The following MAP4 variants were observed in gnomAD, a reference collection of about 807,000 sequenced individuals.
The protein encoded by MAP4 is microtubule-associated protein 4.
In MAP4, 76 loss-of-function variants were observed where a neutral mutation model predicts 170.2. The observed-to-expected ratio is 0.45, with a 90% CI of 0.37 to 0.54. The LOEUF (loss-of-function observed/expected upper bound fraction) is 0.54. MAP4 is among the 20% of genes least tolerant of loss of function. The pLI, the probability that MAP4 is intolerant of heterozygous loss-of-function variation, is 0.00. For missense variants in MAP4, 2,506 were observed against 2,748.0 expected, an observed-to-expected ratio of 0.91 and a Z score of 1.97; for synonymous variants, 909 against 994.5, an observed-to-expected ratio of 0.91 and a Z score of 1.62.
intron 3 of MAP4, among the ~76,000 whole-genome samples, chr3:47,950,723 A>G (rs527836055): frequency 1.1e-4 from 16 of 152,308 alleles, no homozygotes; most frequent in African/African-American, 3.9e-4. Context: ...TGAATATGTA[A>G]CCTTTAGTAA....
chr3:47,928,213 C>A lies in MAP4; in HGVS notation c.415+15G>T. ...ATAGCACACATTTAGTAGTCACGAGCAAGCCAACACTTACCAGTCTGGATA... is the reference window on the plus strand; with the variant it reads ...ATAGCACACATTTAGTAGTCACGAGAAAGCCAACACTTACCAGTCTGGATA... On this transcript the variant is annotated intron_variant, in intron 4 of 20. Transcript: ENST00000683076. 6.2e-7 allele frequency: 1 copy of A among 1,612,788 alleles called. No individual in the cohort carries two copies. The highest frequency in any genetic ancestry group is 1.1e-5 in the South Asian group (1 of 90,670).
chr3:47,875,473 T>G (rs2095034248), intron 12 of MAP4, among the ~76,000 whole-genome samples: 1 of 152,156 alleles, frequency 6.6e-6, no homozygotes, highest in African/African-American at 2.4e-5. Context: ...TCTTTTTTCT[T>G]TTTTTGGCTG....
chr3:47,906,889 G>A lies in MAP4; in HGVS notation c.5383+2149C>T, dbSNP rs564665890. ...TCCCTCTTGTGGCCCAGGCTGGGGT[G>A]CAGTGGCGCGATCTCGGCTCACTGC... On this transcript the variant is annotated intron_variant, in intron 9 of 20. Transcript: ENST00000683076. Among the ~76,000 whole-genome samples the A allele has an allele frequency of 3.3e-5, 5 of 149,976 alleles. No homozygotes were observed. The South Asian group carries it at 6.3e-4, about 19-fold the overall frequency.
chr3:47,941,706 G>C (rs1012450211), intron 3 of MAP4, among the ~76,000 whole-genome samples: 10 of 149,356 alleles, frequency 6.7e-5, no homozygotes, highest in African/African-American at 2.5e-4. Context: ...AGGACTGTTT[G>C]AACCCGGGAG....
upstream of MAP4, among the ~76,000 whole-genome samples, chr3:48,018,224 T>C (rs1487307588): frequency 6.6e-6 from 1 of 152,112 alleles, no homozygotes; most frequent in African/African-American, 2.4e-5. Flanking sequence ...TAGTTAGTTG[T>C]ATATACCAGC....
At chr3:47,979,134 C>T (rs564276897) in intron 2 of MAP4, among the ~76,000 whole-genome samples, 1 of 151,922 alleles carries the variant, frequency 6.6e-6, no homozygotes, top group South Asian at 2.1e-4. Context: ...TTGAGGCCTA[C>T]GGTACATTTT....
chr3:47,928,812 C>A (rs369857310), intron 3 of MAP4, among the ~76,000 whole-genome samples: 1 of 149,446 alleles, frequency 6.7e-6, no homozygotes, highest in Non-Finnish European at 1.5e-5. Context: ...GCAACAATTT[C>A]AGGGAGCTGG....
chr3:48,043,860 A>T (rs1337402399), intron 1 of MAP4, among the ~76,000 whole-genome samples: 2 of 148,854 alleles, frequency 1.3e-5, no homozygotes, highest in African/African-American at 2.4e-5. Flanking sequence ...TTTTTTTTTA[A>T]AATTGAGACG....
chr3:47,966,241 T>G (rs1578440358), intron 3 of MAP4, among the ~76,000 whole-genome samples: 1 of 47,950 alleles, frequency 2.1e-5, no homozygotes, highest in South Asian at 7.8e-4. Flanking sequence ...TTTTTTTTTT[T>G]TTTTTTTTTT....
At chr3:47,907,938 T>C (rs1424118017) in intron 9 of MAP4, among the ~76,000 whole-genome samples, 1 of 152,196 alleles carries the variant, frequency 6.6e-6, no homozygotes, top group Non-Finnish European at 1.5e-5. Flanking sequence ...AGTGGGTACA[T>C]ACTCATGCAT....
intron 10 of MAP4, among the ~76,000 whole-genome samples, chr3:47,882,686 G>A (rs1330427399): frequency 4.0e-5 from 6 of 151,422 alleles, no homozygotes; most frequent in East Asian, 2.0e-4. Context: ...TGATCCTGCC[G>A]TCTTCAGCCT....
rs1403096573 is a variant in MAP4 at position 47,905,310 on chromosome 3, A to C, written c.5384-2310T>G. ...AATAGGACAACTCTGAAAAAGAATA[A>C]TAGGGCAAGGGGTTGGGCTAGCCCT... On this transcript the variant is annotated intron_variant, in intron 9 of 20. Transcript: ENST00000683076. 2.0e-5 allele frequency among the ~76,000 whole-genome samples: 3 copies of C among 152,218 alleles called. No homozygotes were observed. The East Asian group carries it at 5.8e-4, about 29-fold the overall frequency.
chr3:47,928,892 T>C lies in MAP4; in HGVS notation c.293-542A>G, dbSNP rs112164827. ...ACATGCTCAGGAATGAAAGATTCAA[T>C]ACTGTTAAGATGGCAATCCTGAAAA... is the stretch of plus-strand genomic sequence containing the variant. On this transcript the variant is annotated intron_variant, in intron 3 of 20. Coordinates refer to ENST00000683076, the MANE Select transcript of MAP4 (RefSeq NM_001385682.1). Among the ~76,000 whole-genome samples the C allele has an allele frequency of 3.7e-3, 553 of 148,904 alleles. 4 individuals are homozygous for C. The highest frequency in any genetic ancestry group is 8.2e-3 in the Admixed American group (123 of 14,964).
At position 47,909,711 on chromosome 3, in the gene MAP4, T is replaced by C; in HGVS notation, c.4710A>G (p.Leu1570=). 1 of 1,614,042 alleles carries C rather than the reference T, an allele frequency of 6.2e-7. No homozygotes were observed. The highest frequency in any genetic ancestry group is 8.5e-7 in the Non-Finnish European group (1 of 1,179,896). Residue 1570 remains leucine, a synonymous_variant, in exon 9 of 21, where the codon CTA becomes CTG. Coordinates refer to ENST00000683076, the MANE Select transcript of MAP4 (RefSeq NM_001385682.1). ...CTCCAGGAAGGAGGTGACCTTTTGCTAGCTCTGTGACTTTCTCTACTGAAT... is the reference window on the plus strand; with the variant it reads ...CTCCAGGAAGGAGGTGACCTTTTGCCAGCTCTGTGACTTTCTCTACTGAAT... The part of the protein sequence containing the change: ...SKHSVEKVTE[L]AKGHLLPGVP...
chr3:48,036,868 T>C (rs140281747), intron 1 of MAP4, among the ~76,000 whole-genome samples: 1 of 152,358 alleles, frequency 6.6e-6, no homozygotes, highest in African/African-American at 2.4e-5. Flanking sequence ...ATGGTGAATG[T>C]TAGCCTACAG....
At chr3:47,995,772 T>C (rs1360141069) in intron 2 of MAP4, among the ~76,000 whole-genome samples, 1 of 152,100 alleles carries the variant, frequency 6.6e-6, no homozygotes. Flanking sequence ...GAAAGCCACC[T>C]AGTAGTATGA....
chr3:47,974,388 G>A (rs1436303245), intron 3 of MAP4: 12 of 810,848 alleles, frequency 1.5e-5, no homozygotes, highest in Admixed American at 6.2e-5. Context: ...TCGCGCCACC[G>A]CACTCCAGCC....
chr3:47,946,801 T>C (rs1477394810), intron 3 of MAP4, among the ~76,000 whole-genome samples: 1 of 152,026 alleles, frequency 6.6e-6, no homozygotes, highest in Non-Finnish European at 1.5e-5. Context: ...TAATGAACCC[T>C]ATTTCTATTT....
Position 47,909,068 on chromosome 3 carries a change from G to C in MAP4, c.5353C>G (p.Gln1785Glu). The change falls in exon 9 of 21, where the codon CAA becomes GAA. Residue 1785 changes from glutamine (Q) to glutamate (E), a missense_variant. By Grantham distance (29) the Gln-to-Glu change is conservative. Around this residue, in one of 3 missense-constraint regions of MAP4, gnomAD observed 2,008 missense variants for 2,206.0 expected, o/e 0.91. Coordinates refer to ENST00000683076, the MANE Select transcript of MAP4 (RefSeq NM_001385682.1). ...PLLPKSTIQE[Q>E]ERHKQLKSAV... ...GACTTCAGTTGCTTATGTCTCTCTT[G>C]TTCCTGGATTGTAGACTTTGGCAAA... 2 of 1,613,858 alleles carry C rather than the reference G, an allele frequency of 1.2e-6. No homozygotes were observed. Among genetic ancestry groups the C allele is most frequent in the Non-Finnish European group, 1.7e-6 (2 of 1,179,844 alleles).
Sources: allele counts gnomAD v4.1 joint callset (sites outside exome capture counted in the v4.1 genomes callset), GRCh38; gene constraint gnomAD v4.1.1; regional missense constraint gnomAD v4.1.1; transcripts MANE v1.5; gene names NCBI Gene and HGNC (gene_info 2026-07-23, HGNC 2026-07-21).